STARD8: variants seen among roughly 807,000 people sequenced by gnomAD.
STARD8 encodes StAR related lipid transfer domain containing 8.
Under a neutral mutation model 69.4 loss-of-function variants are expected in STARD8, and 25 were observed. The ratio of observed to expected loss-of-function variants is 0.36; its 90% confidence interval spans 0.26 to 0.50. The LOEUF is 0.50. Among genes scored for constraint, STARD8 ranks in the 20% least tolerant of loss-of-function variants. STARD8 has a pLI of 0.96. For synonymous variants in STARD8, 389 were observed against 374.6 expected (o/e 1.04, Z -0.45); for missense variants, 921 against 932.5 (o/e 0.99, Z 0.16).
At chrX:68,665,628 A>G in intron 2 of STARD8, 96 bp downstream of exon 2, 1 of 952,179 alleles carries the variant, frequency 1.1e-6, no homozygotes, top group Admixed American at 2.6e-5. Flanking sequence ...TGGGCAGCAG[A>G]GCCAACGGCC....
At chrX:68,702,923 C>T (rs905304599) in intron 2 of STARD8, among the ~76,000 whole-genome samples, 6 of 111,381 alleles carry the variant, frequency 5.4e-5, no homozygotes, top group Non-Finnish European at 1.1e-4. Context: ...TTAATAATTA[C>T]ATTCAGTATC....
At chrX:68,651,249 G>A (rs760797602) in intron 1 of STARD8, among the ~76,000 whole-genome samples, 7 of 112,574 alleles carry the variant, frequency 6.2e-5, no homozygotes, top group African/African-American at 1.6e-4. Context: ...GCATGCACAC[G>A]GCGTGAAGGT....
intron 2 of STARD8, among the ~76,000 whole-genome samples, chrX:68,697,441 C>T (rs182145859): frequency 1.8e-4 from 20 of 112,145 alleles, no homozygotes; most frequent in African/African-American, 6.5e-4. Context: ...CGGAGACTTC[C>T]TGCCTTTGTT....
chrX:68,697,772 C>T (rs1282971751), intron 2 of STARD8, among the ~76,000 whole-genome samples: 1 of 112,563 alleles, frequency 8.9e-6, no homozygotes, highest in Admixed American at 9.3e-5. Flanking sequence ...GGCCAGCCCT[C>T]TACCCCCATG....
chrX:68,686,593 T>C (rs2079834503), intron 2 of STARD8, among the ~76,000 whole-genome samples: 1 of 113,161 alleles, frequency 8.8e-6, no homozygotes, highest in Non-Finnish European at 1.9e-5. Flanking sequence ...AGGTCAGGGC[T>C]GAGCTGCGCT....
chrX:68,714,282 C>T (rs1260282251), intron 3 of STARD8, among the ~76,000 whole-genome samples: 1 of 112,460 alleles, frequency 8.9e-6, no homozygotes, highest in Non-Finnish European at 1.9e-5. Context: ...CTGCATTCTC[C>T]AACTTCCATT....
intron 2 of STARD8, among the ~76,000 whole-genome samples, chrX:68,708,708 C>T (rs756584622): frequency 1.8e-5 from 2 of 112,319 alleles, no homozygotes; most frequent in African/African-American, 6.5e-5. Context: ...CTGTTACTGA[C>T]CTATCCTGGC....
At chrX:68,695,455 C>T (rs1482684828) in intron 2 of STARD8, among the ~76,000 whole-genome samples, 1 of 111,473 alleles carries the variant, frequency 9.0e-6, no homozygotes, top group African/African-American at 3.3e-5. Context: ...CTAGGAAACA[C>T]CACACTGGAC....
At position 68,717,451 on chromosome X, in the gene STARD8, C is replaced by A. The variant is rs138134354; in HGVS notation, c.537C>A (p.Pro179=). The change falls in exon 6 of 15, where the codon CCC becomes CCA. Residue 179 remains proline (P), a synonymous_variant. Transcript: ENST00000374599. ...PADLPLPGRA[P]SSSDRPLLSP... ...ACTTGCCCTTGCCAGGCCGTGCCCC[C>A]AGCTCGAGTGACCGGCCCCTCCTCA... 4.1e-4 allele frequency: 498 copies of A among 1,208,269 alleles called. 2 individuals are homozygous for A. In the African/African-American group the frequency reaches 8.3e-3, roughly 20 times the overall value.
chrX:68,679,613 G>C (rs1345542926), intron 2 of STARD8, among the ~76,000 whole-genome samples: 1 of 111,976 alleles, frequency 8.9e-6, no homozygotes, highest in East Asian at 2.8e-4. Context: ...AGGGAAGGGG[G>C]ATCCCCGATG....
intron 1 of STARD8, among the ~76,000 whole-genome samples, chrX:68,655,147 C>T (rs1427682968): frequency 8.9e-6 from 1 of 111,757 alleles, no homozygotes; most frequent in Non-Finnish European, 1.9e-5. Context: ...AATGGCCAGA[C>T]ACTTGCACAC....
At chrX:68,662,824 C>T (rs758167937) in intron 1 of STARD8, among the ~76,000 whole-genome samples, 13 of 111,811 alleles carry the variant, frequency 1.2e-4, no homozygotes, top group African/African-American at 3.9e-4. Context: ...TTATACTTTC[C>T]AATAGCACTC....
intron 2 of STARD8, among the ~76,000 whole-genome samples, chrX:68,672,428 T>C (rs919143804): frequency 8.9e-6 from 1 of 111,944 alleles, no homozygotes; most frequent in Non-Finnish European, 1.9e-5. Flanking sequence ...TCATCTATAA[T>C]GCGCTCCCCA....
rs781143482 is a variant in STARD8 at position 68,677,802 on chromosome X, T to C, written c.79+12270T>C. 2.7e-5 allele frequency among the ~76,000 whole-genome samples: 3 copies of C among 110,288 alleles called. No homozygotes were observed. The East Asian group carries it at 8.6e-4, about 32-fold the overall frequency. The stretch of plus-strand genomic sequence containing the variant: ...AGCTCCTAGTTCCTCAGATTCTGGC[T>C]CCAAGTAATGATTTCAAAGTTCCCC... On this transcript the variant is annotated intron_variant, in intron 2 of 14. Coordinates refer to ENST00000374599, the MANE Select transcript of STARD8 (RefSeq NM_001142503.3).
chrX:68,667,181 C>T (rs1569355042), intron 2 of STARD8, among the ~76,000 whole-genome samples: 2 of 112,313 alleles, frequency 1.8e-5, no homozygotes, highest in African/African-American at 3.2e-5. Flanking sequence ...CACATTGTTT[C>T]AGGCTGATTC....
At chrX:68,713,074 A>G (rs566144542) in intron 3 of STARD8, 89 bp downstream of exon 3, 4 of 945,507 alleles carry the variant, frequency 4.2e-6, no homozygotes, top group Non-Finnish European at 5.9e-6. Flanking sequence ...TTCTCTTTCC[A>G]ACTACACACA....
intron 2 of STARD8, among the ~76,000 whole-genome samples, chrX:68,711,427 G>T (rs1301525035): frequency 1.8e-5 from 2 of 111,434 alleles, no homozygotes; most frequent in African/African-American, 3.3e-5. Context: ...CAGATGCTGT[G>T]GTGGGCACTG....
chrX:68,720,198 G>A, intron 7 of STARD8, 66 bp from the exon 8 acceptor site: 1 of 1,105,335 alleles, frequency 9.0e-7, no homozygotes, highest in Non-Finnish European at 1.2e-6. Flanking sequence ...CTGATCCTCT[G>A]AGACTGCAGG....
rs1265148993 is a variant in STARD8 at position 68,647,832 on chromosome X, G to GCC, written c.-50_-49dup. 1 of 1,174,924 alleles carries GCC rather than the reference G, an allele frequency of 8.5e-7. No homozygotes were observed. Among genetic ancestry groups the GCC allele is most frequent in the African/African-American group, 1.8e-5 (1 of 56,872 alleles). On this transcript the variant is annotated 5_prime_UTR_variant, in exon 1 of 15. Transcript: ENST00000374599. ...TAGCCTCGTCCCCAGAGAGGGAGGA[G>GCC]CCGGTGCCCGGCACAGCCCCGCCGG...
Sources: allele counts gnomAD v4.1 joint callset (sites outside exome capture counted in the v4.1 genomes callset), GRCh38; gene constraint gnomAD v4.1.1; transcripts MANE v1.5; gene names NCBI Gene and HGNC (gene_info 2026-07-23, HGNC 2026-07-21).